MAGI2: variants seen among roughly 807,000 people sequenced by gnomAD.
The protein encoded by MAGI2 is membrane-associated guanylate kinase, WW and PDZ domain-containing protein 2.
Under a neutral mutation model 133.3 loss-of-function variants are expected in MAGI2, and 35 were observed. The ratio of observed to expected loss-of-function variants is 0.26; its 90% CI spans 0.20 to 0.35. MAGI2 has a LOEUF of 0.35. MAGI2 is among the 10% of genes least tolerant of loss of function. MAGI2 has a pLI of 1.00. For synonymous variants in MAGI2, 729 were observed against 710.6 expected, an observed-to-expected ratio of 1.03 and a Z score of -0.41; for missense variants, 1,636 against 1,863.4, an observed-to-expected ratio of 0.88 and a Z score of 2.25.
At chr7:78,622,384 G>T (rs1046396025) in intron 3 of MAGI2, among the ~76,000 whole-genome samples, 5 of 152,038 alleles carry the variant, frequency 3.3e-5, no homozygotes, top group African/African-American at 9.7e-5. Context: ...GACTGCAGTA[G>T]GCGAGGAGGA....
chr7:78,203,052 G>A (rs1452813655), intron 10 of MAGI2, among the ~76,000 whole-genome samples: 1 of 152,164 alleles, frequency 6.6e-6, no homozygotes, highest in Non-Finnish European at 1.5e-5. Flanking sequence ...ATTGACCATT[G>A]TCTTCAGTGA....
intron 4 of MAGI2, among the ~76,000 whole-genome samples, chr7:78,514,593 C>T (rs1795886937): frequency 6.6e-6 from 1 of 152,170 alleles, no homozygotes; most frequent in Non-Finnish European, 1.5e-5. Flanking sequence ...TGGGTAGATA[C>T]ACAAATCGCA....
At chr7:79,359,701 CACACACACACACAG>C (rs1469849763) in intron 1 of MAGI2, among the ~76,000 whole-genome samples, 2 of 150,292 alleles carry the variant, frequency 1.3e-5, no homozygotes, top group African/African-American at 4.9e-5. Flanking sequence ...CACACACACA[CACACACACACACAG>C]AAAACAAAAA....
chr7:79,352,640 T>C (rs1841767066), intron 1 of MAGI2, among the ~76,000 whole-genome samples: 1 of 152,324 alleles, frequency 6.6e-6, no homozygotes, highest in African/African-American at 2.4e-5. Flanking sequence ...CTGGGCAACA[T>C]ATAATGTCAG....
intron 2 of MAGI2, among the ~76,000 whole-genome samples, chr7:78,960,424 G>A (rs941786099): frequency 1.3e-5 from 2 of 152,070 alleles, no homozygotes; most frequent in Non-Finnish European, 1.5e-5. Context: ...CTCTCCCCAA[G>A]TCTGTTCCCA....
chr7:78,426,710 G>A (rs1799316460), intron 6 of MAGI2, among the ~76,000 whole-genome samples: 1 of 152,048 alleles, frequency 6.6e-6, no homozygotes, highest in African/African-American at 2.4e-5. Context: ...ATTCCTGAAG[G>A]TGAGGAGAGA....
intron 1 of MAGI2, among the ~76,000 whole-genome samples, chr7:79,045,119 T>G (rs2116939390): frequency 6.6e-6 from 1 of 152,214 alleles, no homozygotes; most frequent in Non-Finnish European, 1.5e-5. Context: ...ACTAAGAAAA[T>G]GAAACTATAC....
At chr7:78,374,523 A>T (rs761806391) in intron 6 of MAGI2, among the ~76,000 whole-genome samples, 3 of 152,008 alleles carry the variant, frequency 2.0e-5, no homozygotes, top group Admixed American at 6.6e-5. Flanking sequence ...TACTCTGTTG[A>T]TAGTTCCTTT....
chr7:79,029,965 A>G (rs761496247), intron 1 of MAGI2, among the ~76,000 whole-genome samples: 9 of 152,174 alleles, frequency 5.9e-5, no homozygotes, highest in Non-Finnish European at 1.3e-4. Flanking sequence ...CATATCCCCA[A>G]AATATTAATA....
intron 13 of MAGI2, among the ~76,000 whole-genome samples, chr7:78,178,805 T>C (rs1486971653): frequency 6.6e-6 from 1 of 152,128 alleles, no homozygotes; most frequent in Non-Finnish European, 1.5e-5. Flanking sequence ...CATTTTAGAA[T>C]GTGCAAGCCA....
chr7:79,349,279 C>G (rs1318185650), intron 1 of MAGI2, among the ~76,000 whole-genome samples: 1 of 151,862 alleles, frequency 6.6e-6, no homozygotes, highest in African/African-American at 2.4e-5. Flanking sequence ...ACAGCATTAG[C>G]ATTCATTATC....
chr7:78,313,653 T>C (rs773923709), intron 9 of MAGI2, among the ~76,000 whole-genome samples: 5 of 151,892 alleles, frequency 3.3e-5, no homozygotes, highest in Non-Finnish European at 5.9e-5. Context: ...AAGAAATTTA[T>C]GGAAGGGGAA....
At chr7:79,063,446 T>A (rs1029462831) in intron 1 of MAGI2, among the ~76,000 whole-genome samples, 1 of 152,118 alleles carries the variant, frequency 6.6e-6, no homozygotes, top group African/African-American at 2.4e-5. Flanking sequence ...ATGGTGAAGT[T>A]TGAAATTGAC....
intron 1 of MAGI2, among the ~76,000 whole-genome samples, chr7:79,045,133 A>G (rs117558197): frequency 3.9e-5 from 6 of 152,346 alleles, no homozygotes; most frequent in Non-Finnish European, 8.8e-5. Context: ...ACTATACTCA[A>G]GAAGTATCAA....
intron 1 of MAGI2, among the ~76,000 whole-genome samples, chr7:79,352,414 T>C (rs1841752393): frequency 1.3e-5 from 2 of 152,224 alleles, no homozygotes; most frequent in Admixed American, 6.5e-5. Flanking sequence ...CTGGTTTTCT[T>C]GAAAATGTTT....
At chr7:79,288,848 A>G (rs1299961277) in intron 1 of MAGI2, among the ~76,000 whole-genome samples, 2 of 152,226 alleles carry the variant, frequency 1.3e-5, no homozygotes, top group African/African-American at 4.8e-5. Context: ...TCAGCCAGGC[A>G]TAAAATAGAC....
chr7:78,884,862 C>T (rs553042923), intron 2 of MAGI2, among the ~76,000 whole-genome samples: 1 of 152,220 alleles, frequency 6.6e-6, no homozygotes, highest in South Asian at 2.1e-4. Context: ...AAAATGACAC[C>T]TATACATGCA....
chr7:78,471,125 A>T (rs1791159319), intron 6 of MAGI2, among the ~76,000 whole-genome samples: 1 of 152,138 alleles, frequency 6.6e-6, no homozygotes, highest in Non-Finnish European at 1.5e-5. Flanking sequence ...TAAAAGGTGA[A>T]TTATGCTTAT....
rs72030909 is a variant in MAGI2 at position 78,687,969 on chromosome 7, T to TAAAAAA, written c.419-60736_419-60731dup. Among the ~76,000 whole-genome samples the TAAAAAA allele has an allele frequency of 2.0e-3, 133 of 67,208 alleles. 1 individual carries two copies. Among genetic ancestry groups the TAAAAAA allele is most frequent in the East Asian group, 2.5e-3 (4 of 1,608 alleles). The allele number at this position is 67,208 out of a possible 152,430, so 44.1% of individuals were successfully genotyped here. ...TGGGCAAGAGAGTGAGTCCTTGCCT[T>TAAAAAA]AAAAAAAAAAAAAAAAAAAAAAAAA... On this transcript the variant is annotated intron_variant, in intron 2 of 21. Coordinates refer to ENST00000354212, the MANE Select transcript of MAGI2 (RefSeq NM_012301.4).
Sources: gnomAD v4.1 joint callset for allele counts (sites outside exome capture counted in the v4.1 genomes callset) on GRCh38, gnomAD v4.1.1 for gene constraint, MANE v1.5 for transcripts, NCBI Gene and HGNC (gene_info 2026-07-23, HGNC 2026-07-21) for gene names.